The following ADGRL1 variants were observed in gnomAD, a reference collection of about 807,000 sequenced individuals.
ADGRL1 encodes CIRL-1.
ADGRL1 carries 31 observed loss-of-function variants against 148.9 expected under a neutral mutation model. The observed-to-expected ratio is 0.21, with a 90% CI of 0.16 to 0.28. The LOEUF is 0.28. Ranked by LOEUF, ADGRL1 falls within the 10% of genes least tolerant of loss-of-function variation. The probability of loss-of-function intolerance (pLI) is 1.00; values close to 1 mark genes in which losing one functional copy is unlikely to be tolerated. For synonymous variants in ADGRL1, 937 were observed against 900.3 expected (o/e 1.04, Z -0.73); for missense variants, 1,521 against 2,058.8 (o/e 0.74, Z 5.05).
At position 14,152,742 on chromosome 19, in the gene ADGRL1, G is replaced by T. The variant is rs1291773941; in HGVS notation, c.3423+42C>A. On this transcript the variant is annotated intron_variant, in intron 19 of 22. Transcript: ENST00000361434. The surrounding 1 kb of genome is among the most constrained non-coding windows in gnomAD (Gnocchi z 6.1). Reference sequence around the variant, plus strand: ...CCACTCCCCACCTCTCAGGCTCCAGGTTCCAACACTCAGCCCCAGGGAGTC... The same window carrying T: ...CCACTCCCCACCTCTCAGGCTCCAGTTTCCAACACTCAGCCCCAGGGAGTC... 4 of 1,609,372 alleles carry T rather than the reference G, an allele frequency of 2.5e-6. No homozygotes were observed. The Admixed American group carries it at 6.7e-5, about 27-fold the overall frequency.
At chr19:14,153,384 G>A (rs554263370) in intron 18 of ADGRL1, among the ~76,000 whole-genome samples, 1 of 151,642 alleles carries the variant, frequency 6.6e-6, no homozygotes, top group East Asian at 1.9e-4. Context: ...AGGGGGTTAG[G>A]CAGTGCTGAC....
intron 1 of ADGRL1, among the ~76,000 whole-genome samples, chr19:14,186,586 T>C (rs1446963492): frequency 2.0e-5 from 3 of 152,132 alleles, no homozygotes; most frequent in East Asian, 1.9e-4. Context: ...CACCATCCTA[T>C]GTCACCTGTA....
At position 14,155,534 on chromosome 19, in the gene ADGRL1, G is replaced by A. The variant is rs372638819; in HGVS notation, c.3126-7C>T. 12 of 1,613,062 alleles carry A rather than the reference G, an allele frequency of 7.4e-6. No individual in the cohort carries two copies. The highest frequency in any genetic ancestry group is 1.0e-5 in the Non-Finnish European group (12 of 1,179,776). On this transcript the variant is annotated splice_region_variant and splice_polypyrimidine_tract_variant and intron_variant, in intron 17 of 22. Coordinates refer to ENST00000361434, the MANE Select transcript of ADGRL1 (RefSeq NM_014921.5). The surrounding 1 kb of genome is among the most constrained non-coding windows in gnomAD (Gnocchi z 5.0). The stretch of plus-strand genomic sequence containing the variant: ...GGCCCCCAGCGCCCAGGATCTGGGA[G>A]TGGGGCGACAGGGGAGTCAAAGTAC...
At chr19:14,177,479 A>G in intron 3 of ADGRL1, 52 bp downstream of exon 3, 2 of 1,522,436 alleles carry the variant, frequency 1.3e-6, no homozygotes, top group Non-Finnish European at 1.8e-6. Context: ...GCAGGTGTGC[A>G]GTGCTTTTAG....
Position 14,160,508 on chromosome 19 carries a change from T to C in ADGRL1, c.1614+85A>G. On this transcript the variant is annotated intron_variant, in intron 7 of 22. Coordinates refer to ENST00000361434, the MANE Select transcript of ADGRL1 (RefSeq NM_014921.5). This position sits in a 1 kb window ranked among gnomAD's most constrained non-coding sequence, Gnocchi z 5.9. ...CCTTCCAGACCTGCCAGCCCATGTC[T>C]CCCCAGCTGCTCCACGACCCCCGCT... The C allele has an allele frequency of 9.3e-7, 1 of 1,076,898 alleles. No homozygotes were observed. Among genetic ancestry groups the C allele is most frequent in the Non-Finnish European group, 1.3e-6 (1 of 752,088 alleles). 66.7% of individuals were successfully genotyped at this position (1,076,898 alleles called of 1,614,324 possible).
chr19:14,159,921 AC>A lies in ADGRL1; in HGVS notation c.1801-149del. 1.0e-6 allele frequency: 1 copy of A among 972,742 alleles called. No homozygotes were observed. The highest frequency in any genetic ancestry group is 1.6e-6 in the Non-Finnish European group (1 of 630,120). The allele number at this position is 972,742 out of a possible 1,614,324, so 60.3% of individuals were successfully genotyped here. On this transcript the variant is annotated intron_variant, in intron 8 of 22. Transcript: ENST00000361434. The surrounding 1 kb of genome is among the most constrained non-coding windows in gnomAD (Gnocchi z 6.0). Reference sequence around the variant, plus strand: ...GCAAGACATTCCTCAGGGATCCCCAACCCCCAGGACCATCCGGGGCAGCACA... The same window carrying A: ...GCAAGACATTCCTCAGGGATCCCCAACCCCAGGACCATCCGGGGCAGCACA...
rs1405326349 is a variant in ADGRL1 at position 14,205,756 on chromosome 19, C to T, written c.-96+229G>A. On this transcript the variant is annotated intron_variant, in intron 1 of 22. Transcript: ENST00000361434. ...CCGCACCCCCGCGCCCCGGGCGCTC[C>T]GTGGGGGCCGCCCCTCCCAGGCCCC... Among the ~76,000 whole-genome samples the T allele has an allele frequency of 3.3e-5, 5 of 151,412 alleles. No individual in the cohort carries two copies. In the South Asian group the frequency reaches 1.0e-3, roughly 31 times the overall value.
At position 14,163,299 on chromosome 19, in the gene ADGRL1, G is replaced by A. The variant is rs566500828; in HGVS notation, c.502C>T (p.Arg168Cys). 5.6e-6 allele frequency: 9 copies of A among 1,613,368 alleles called. No individual in the cohort carries two copies. Among genetic ancestry groups the A allele is most frequent in the Non-Finnish European group, 6.8e-6 (8 of 1,179,920 alleles). Residue 168 changes from arginine (R) to cysteine (C), a missense_variant, in exon 5 of 23, where the codon CGC (arginine) becomes TGC (cysteine). This residue lies in a region of ADGRL1 where 334 missense variants were observed against 512.5 expected (regional missense o/e 0.65). Transcript: ENST00000361434. ...WCKDPLQAGD[R>C]IYVMPWIPYR... ...GGGATCCAGGGCATCACGTAGATGCGGTCACCCGCCTGCAGCGGGTCCTTG... is the reference window on the plus strand; with the variant it reads ...GGGATCCAGGGCATCACGTAGATGCAGTCACCCGCCTGCAGCGGGTCCTTG...
At chr19:14,158,839 C>CTCTCTGA (rs1282445892) in intron 11 of ADGRL1, among the ~76,000 whole-genome samples, 2 of 152,230 alleles carry the variant, frequency 1.3e-5, no homozygotes, top group African/African-American at 4.8e-5. Flanking sequence ...AGCCCCTGAC[C>CTCTCTGA]TCTCTGAGCC....
At chr19:14,201,673 C>T (rs1972622742) in intron 1 of ADGRL1, among the ~76,000 whole-genome samples, 1 of 152,140 alleles carries the variant, frequency 6.6e-6, no homozygotes, top group South Asian at 2.1e-4. Flanking sequence ...ACCTCGGCTT[C>T]CCAACATTCT....
intron 16 of ADGRL1, 109 bp from the exon 17 acceptor site, chr19:14,156,310 T>A: frequency 1.1e-6 from 1 of 869,950 alleles, no homozygotes; most frequent in South Asian, 1.5e-5. Flanking sequence ...CCCTCGCCTC[T>A]GCTGGGAGAA....
At chr19:14,180,245 T>TC (rs1383694359) in intron 2 of ADGRL1, among the ~76,000 whole-genome samples, 1 of 152,038 alleles carries the variant, frequency 6.6e-6, no homozygotes, top group African/African-American at 2.4e-5. Context: ...CCTATGCACC[T>TC]CTTCCCTTGC....
At chr19:14,178,837 T>C (rs2144973911) in intron 2 of ADGRL1, among the ~76,000 whole-genome samples, 2 of 151,940 alleles carry the variant, frequency 1.3e-5, no homozygotes, top group Middle Eastern at 6.8e-3. Context: ...GGCACAGAAG[T>C]GTACAGGGGG....
Position 14,150,978 on chromosome 19 carries a change from G to A in ADGRL1, c.4305C>T (p.Tyr1435=). ...CGTGGCTAGGACGCCGCACCTGGTA[G>A]TAGCCCTGCAGGGGATTCCGGGCCA... ...ALVARNPLQG[Y]YQVRRPSHEG... is the part of the protein sequence containing the mutation. Residue 1435 remains tyrosine, a synonymous_variant, in exon 23 of 23, where the codon TAC becomes TAT. Transcript: ENST00000361434. The A allele has an allele frequency of 6.2e-7, 1 of 1,600,182 alleles. No individual in the cohort carries two copies. The highest frequency in any genetic ancestry group is 8.5e-7 in the Non-Finnish European group (1 of 1,174,384).
intron 1 of ADGRL1, among the ~76,000 whole-genome samples, 191 bp downstream of exon 1, chr19:14,205,794 G>A (rs1972966116): frequency 6.6e-6 from 1 of 151,492 alleles, no homozygotes. Flanking sequence ...GCCAGTGGGG[G>A]TGAGGTGCGG....
intron 3 of ADGRL1, among the ~76,000 whole-genome samples, chr19:14,173,456 T>C (rs1370085286): frequency 6.6e-6 from 1 of 152,102 alleles, no homozygotes; most frequent in Non-Finnish European, 1.5e-5. Flanking sequence ...AAACATGGTA[T>C]ATACAAGGTT....
chr19:14,163,177 G>A lies in ADGRL1; in HGVS notation c.624C>T (p.Gly208=), dbSNP rs1405953980. 1.2e-6 allele frequency: 2 copies of A among 1,613,886 alleles called. No homozygotes were observed. The highest frequency in any genetic ancestry group is 1.3e-5 in the African/African-American group (1 of 75,022). Residue 208 remains glycine, a synonymous_variant, in exon 5 of 23, where the codon GGC becomes GGT. Coordinates refer to ENST00000361434, the MANE Select transcript of ADGRL1 (RefSeq NM_014921.5). ...CACCATCGTAGACCACAAAGCCTGT[G>A]CCATCCACGCGGTTGGGCAGGCGGT... is the stretch of plus-strand genomic sequence containing the variant. The part of the protein sequence containing the change: ...TTYRLPNRVD[G]TGFVVYDGAV...
At chr19:14,192,008 T>A (rs558327707) in intron 1 of ADGRL1, among the ~76,000 whole-genome samples, 3 of 152,194 alleles carry the variant, frequency 2.0e-5, no homozygotes, top group Admixed American at 2.0e-4. Flanking sequence ...TCTCTCTTCT[T>A]ATTGGGATAC....
At chr19:14,166,886 G>T (rs998791641) in intron 4 of ADGRL1, 21 of 949,760 alleles carry the variant, frequency 2.2e-5, no homozygotes, top group Non-Finnish European at 3.2e-5. Context: ...AACCCAGGGT[G>T]GGGGATACCG....
Sources: gnomAD v4.1 joint callset for allele counts (sites outside exome capture counted in the v4.1 genomes callset) on GRCh38, gnomAD v4.1.1 for gene constraint, gnomAD v4.1.1 regional missense constraint, Gnocchi (gnomAD v3.1) non-coding constraint, MANE v1.5 for transcripts, NCBI Gene and HGNC (gene_info 2026-07-23, HGNC 2026-07-21) for gene names.